KCNN2: variants seen among roughly 807,000 people sequenced by gnomAD.
KCNN2 encodes potassium calcium-activated channel subfamily N member 2, also known as small conductance calcium-activated potassium channel protein 2.
A neutral mutation model predicts 55.5 loss-of-function variants in KCNN2; 24 were observed. The ratio of observed to expected loss-of-function variants is 0.43; its 90% CI spans 0.31 to 0.61. KCNN2 has a LOEUF of 0.61. KCNN2 is among the 20% of genes least tolerant of loss of function. The pLI, the probability that KCNN2 is intolerant of heterozygous loss-of-function variation, is 0.08. For synonymous variants in KCNN2, 431 were observed against 336.1 expected (o/e 1.28, Z -3.09); for missense variants, 754 against 853.6 (o/e 0.88, Z 1.45).
chr5:114,439,186 C>T (rs1300793463), intron 3 of KCNN2, among the ~76,000 whole-genome samples: 3 of 152,184 alleles, frequency 2.0e-5, no homozygotes, highest in African/African-American at 7.2e-5. Context: ...CACATGCCTA[C>T]ATATATGTAT....
chr5:114,269,708 C>T (rs1464655896), intron 2 of KCNN2, among the ~76,000 whole-genome samples: 1 of 152,098 alleles, frequency 6.6e-6, no homozygotes, highest in African/African-American at 2.4e-5. Context: ...AATGTCTTTC[C>T]TTTCAATAAA....
intron 1 of KCNN2, among the ~76,000 whole-genome samples, chr5:114,200,070 G>A (rs1025159461): frequency 5.3e-5 from 8 of 152,040 alleles, no homozygotes; most frequent in Non-Finnish European, 1.0e-4. Flanking sequence ...GATAGACAGG[G>A]AATTTTCATT....
Position 114,363,948 on chromosome 5 carries a change from T to A in KCNN2, c.1165T>A (p.Ser389Thr). The A allele has an allele frequency of 6.2e-7, 1 of 1,614,100 alleles. No homozygotes were observed. The highest frequency in any genetic ancestry group is 1.1e-5 in the South Asian group (1 of 91,074). Residue 389 changes from serine (S) to threonine (T), a missense_variant, in exon 2 of 8, where the codon TCC becomes ACC. Transcript: ENST00000673685. ...AGCTCTGAAATGCCTTATCAGTCTC[T>A]CCACGATCATCCTGCTCGGTCTGAT... is the stretch of plus-strand genomic sequence containing the variant. ...SLALKCLISLSTIILLGLIIV... is the reference protein window; with the variant it reads ...SLALKCLISLTTIILLGLIIV...
At chr5:114,074,038 T>C (rs1343141922) in intron 1 of KCNN2, among the ~76,000 whole-genome samples, 1 of 152,190 alleles carries the variant, frequency 6.6e-6, no homozygotes, top group African/African-American at 2.4e-5. Context: ...CTTTCAGATT[T>C]TTTTCCTGGC....
chr5:114,414,924 A>C (rs1759259583), intron 3 of KCNN2, among the ~76,000 whole-genome samples: 1 of 152,210 alleles, frequency 6.6e-6, no homozygotes, highest in African/African-American at 2.4e-5. Context: ...GTTTTAGAAC[A>C]GTTCCATCAC....
At position 114,100,932 on chromosome 5, in the gene KCNN2, AATT is replaced by A. The variant is rs1030040096; in HGVS notation, c.-271+44437_-271+44439del. Among the ~76,000 whole-genome samples the A allele has an allele frequency of 2.6e-3, 398 of 151,944 alleles. 1 individual carries two copies. Among genetic ancestry groups the A allele is most frequent in the African/African-American group, 8.7e-3 (359 of 41,498 alleles). ...CATAGTTACATTACATTTTATATAT[AATT>A]ATTAATATATCAATATTGTAGATCT... is the stretch of plus-strand genomic sequence containing the variant. On this transcript the variant is annotated intron_variant, in intron 1 of 10. Coordinates refer to the KCNN2 transcript ENST00000512097.
At chr5:114,205,671 C>T (rs951791278) in intron 1 of KCNN2, among the ~76,000 whole-genome samples, 1 of 152,082 alleles carries the variant, frequency 6.6e-6, no homozygotes, top group Admixed American at 6.5e-5. Context: ...AAAAAATGGG[C>T]CTTCGGGAGC....
rs753151502 is a variant in KCNN2, at chr5:114,495,885, T to C, written c.2089-10T>C. 1 of 1,610,102 alleles carries C rather than the reference T, an allele frequency of 6.2e-7. No individual in the cohort carries two copies. The highest frequency in any genetic ancestry group is 1.1e-5 in the South Asian group (1 of 90,910). On this transcript the variant is annotated splice_polypyrimidine_tract_variant and intron_variant, in intron 7 of 7. Transcript: ENST00000673685. Reference sequence around the variant, plus strand: ...GTATAATTAACCTTCTTCTCAATCCTGTTTTTCAGACCCAGAACATCATGT... The same window carrying C: ...GTATAATTAACCTTCTTCTCAATCCCGTTTTTCAGACCCAGAACATCATGT...
At chr5:114,433,770 A>T (rs868859001) in intron 3 of KCNN2, 1 of 153,542 alleles carries the variant, frequency 6.5e-6, no homozygotes, top group Non-Finnish European at 1.4e-5. Flanking sequence ...AGCCAGCGAG[A>T]CCAGGAACCC....
At chr5:114,370,397 C>T (rs1292699422) in intron 2 of KCNN2, among the ~76,000 whole-genome samples, 1 of 151,998 alleles carries the variant, frequency 6.6e-6, no homozygotes, top group African/African-American at 2.4e-5. Context: ...ACAGGAGGGG[C>T]CCTTTCCTCT....
intron 2 of KCNN2, among the ~76,000 whole-genome samples, chr5:114,229,576 T>C (rs1438285439): frequency 6.6e-6 from 1 of 150,648 alleles, no homozygotes; most frequent in Non-Finnish European, 1.5e-5. Context: ...GGTTCATATG[T>C]ATTTGCTTTG....
chr5:114,074,684 G>C (rs1001965768), intron 1 of KCNN2, among the ~76,000 whole-genome samples: 1 of 152,146 alleles, frequency 6.6e-6, no homozygotes, highest in African/African-American at 2.4e-5. Context: ...GGCTGGTTCT[G>C]GGTAAGAGGA....
At chr5:114,192,212 G>A (rs758845572) in intron 1 of KCNN2, among the ~76,000 whole-genome samples, 1 of 152,004 alleles carries the variant, frequency 6.6e-6, no homozygotes, top group Non-Finnish European at 1.5e-5. Flanking sequence ...CTCACATTCC[G>A]TGTCTACCTC....
chr5:114,196,886 A>G (rs140992902), intron 1 of KCNN2, among the ~76,000 whole-genome samples: 4,543 of 151,004 alleles, frequency 0.03, 232 homozygotes, highest in African/African-American at 0.1. Context: ...TGCTTGCTTT[A>G]TGTTTATTTT....
chr5:114,357,714 G>C (rs1251679860), upstream of KCNN2, among the ~76,000 whole-genome samples: 7 of 126,668 alleles, frequency 5.5e-5, no homozygotes, highest in African/African-American at 2.1e-4. Flanking sequence ...GGACATTTGG[G>C]TTGGTTCCAA....
At chr5:114,096,288 A>G (rs1311619860) in intron 1 of KCNN2, among the ~76,000 whole-genome samples, 1 of 152,174 alleles carries the variant, frequency 6.6e-6, no homozygotes. Context: ...CAAGACAGCA[A>G]TCTATTCGTA....
At chr5:114,179,299 C>T (rs1753193462) in intron 1 of KCNN2, among the ~76,000 whole-genome samples, 1 of 152,156 alleles carries the variant, frequency 6.6e-6, no homozygotes, top group African/African-American at 2.4e-5. Context: ...GTTGTCACAC[C>T]TCTGTTCATG....
intron 1 of KCNN2, among the ~76,000 whole-genome samples, chr5:114,184,470 C>T (rs73779740): frequency 6.6e-6 from 1 of 152,078 alleles, no homozygotes; most frequent in East Asian, 1.9e-4. Flanking sequence ...AATTAACAAG[C>T]ATTATGCCAT....
chr5:114,429,833 T>C (rs1358094728), intron 3 of KCNN2, among the ~76,000 whole-genome samples: 1 of 148,954 alleles, frequency 6.7e-6, no homozygotes, highest in Admixed American at 6.7e-5. Flanking sequence ...TTTTTTTTTT[T>C]TTTTTTTTAA....
Sources: gnomAD v4.1 joint callset for allele counts (sites outside exome capture counted in the v4.1 genomes callset) on GRCh38, gnomAD v4.1.1 for gene constraint, MANE v1.5 for transcripts, NCBI Gene and HGNC (gene_info 2026-07-23, HGNC 2026-07-21) for gene names.